The following SHISA9 variants were observed in gnomAD, a reference collection of about 807,000 sequenced individuals.
The protein encoded by SHISA9 is protein shisa-9.
SHISA9 carries 13 observed loss-of-function variants against 38.0 expected under a neutral mutation model. The observed-to-expected ratio is 0.34, with a 90% CI of 0.22 to 0.54. The LOEUF is 0.54. Ranked by LOEUF, SHISA9 falls within the 20% of genes least tolerant of loss-of-function variation. The pLI, the probability that SHISA9 is intolerant of heterozygous loss-of-function variation, is 0.91. For synonymous variants in SHISA9, 275 were observed against 242.0 expected (o/e 1.14, Z -1.27); for missense variants, 538 against 575.8 (o/e 0.93, Z 0.67).
At chr16:13,262,599 C>T in the SHISA9 span, among the ~76,000 whole-genome samples, 30 of 138,174 alleles carry the variant, frequency 2.2e-4, no homozygotes, top group Non-Finnish European at 4.1e-4. Context: ...TATTCTGGCC[C>T]GGTGAGTAAG....
chr16:13,228,419 A>G (rs1034958836), intron 4 of SHISA9, among the ~76,000 whole-genome samples: 1 of 152,210 alleles, frequency 6.6e-6, no homozygotes, highest in Non-Finnish European at 1.5e-5. Context: ...CTGAGGGGAC[A>G]TCATGTATTG....
chr16:13,185,732 T>C (rs1382937413), intron 2 of SHISA9, among the ~76,000 whole-genome samples: 1 of 152,182 alleles, frequency 6.6e-6, no homozygotes, highest in African/African-American at 2.4e-5. Context: ...GTACCCAGAA[T>C]GATGCCTAGC....
chr16:12,963,498 G>C (rs1267469510), intron 2 of SHISA9, among the ~76,000 whole-genome samples: 1 of 152,208 alleles, frequency 6.6e-6, no homozygotes, highest in African/African-American at 2.4e-5. Flanking sequence ...TGGAGAGAAA[G>C]ATTGTTCAGT....
chr16:13,548,119 G>A, the SHISA9 span, among the ~76,000 whole-genome samples: 2 of 152,104 alleles, frequency 1.3e-5, no homozygotes, highest in African/African-American at 4.8e-5. Flanking sequence ...TATGGGAAAG[G>A]ACAGTCTCTT....
chr16:13,320,233 C>A, the SHISA9 span, among the ~76,000 whole-genome samples: 1 of 130,976 alleles, frequency 7.6e-6, no homozygotes, highest in Non-Finnish European at 1.5e-5. Context: ...AGAGGCTGCA[C>A]GGAGCCAAGA....
chr16:13,464,689 ATACAG>A, the SHISA9 span, among the ~76,000 whole-genome samples: 1 of 152,150 alleles, frequency 6.6e-6, no homozygotes, highest in Non-Finnish European at 1.5e-5. Context: ...TACTACAAAT[ATACAG>A]TAAAGTAAAT....
intron 2 of SHISA9, among the ~76,000 whole-genome samples, chr16:13,184,069 G>A (rs534169661): frequency 1.3e-5 from 2 of 152,144 alleles, no homozygotes; most frequent in East Asian, 3.9e-4. Flanking sequence ...TTTTTCCTAA[G>A]CACCCTCCTC....
At chr16:13,435,665 G>T in the SHISA9 span, among the ~76,000 whole-genome samples, 1 of 152,194 alleles carries the variant, frequency 6.6e-6, no homozygotes, top group Non-Finnish European at 1.5e-5. Flanking sequence ...ATCAAGCCAG[G>T]TTCATTCTGC....
At chr16:13,413,392 A>G in the SHISA9 span, among the ~76,000 whole-genome samples, 1 of 152,168 alleles carries the variant, frequency 6.6e-6, no homozygotes, top group Non-Finnish European at 1.5e-5. Context: ...AGGAATTTCC[A>G]TTTGAAAGGA....
the SHISA9 span, among the ~76,000 whole-genome samples, chr16:13,328,148 C>T: frequency 2.0e-5 from 3 of 152,152 alleles, no homozygotes; most frequent in East Asian, 1.9e-4. Context: ...AACTCGGCCT[C>T]GAGCAGGGGC....
rs1022236331 is a variant in SHISA9 at position 12,908,774 on chromosome 16, C to G, written c.563+6147C>G. The G allele has an allele frequency of 1.7e-5, 23 of 1,388,988 alleles. No individual in the cohort carries two copies. In the African/African-American group the frequency reaches 3.4e-4, roughly 20 times the overall value. 86.0% of individuals were successfully genotyped at this position (1,388,988 alleles called of 1,614,324 possible). A position where few individuals can be genotyped will look rare whatever the true frequency, so the allele number is the denominator to read the frequency against. ...TATCGGCCCCGGCAGGCCCAGACGT[C>G]TTGGTGGAGGCGTTGGTGAGAAATG... On this transcript the variant is annotated intron_variant, in intron 1 of 4. Coordinates refer to ENST00000558583, the MANE Select transcript of SHISA9 (RefSeq NM_001145204.3).
chr16:13,051,012 G>A (rs56328831), intron 2 of SHISA9, among the ~76,000 whole-genome samples: 1,653 of 152,340 alleles, frequency 0.011, 17 homozygotes, highest in Middle Eastern at 0.061. Flanking sequence ...GAACAGTGAG[G>A]TTAATAGTAA....
rs1259600214 is a variant in SHISA9 at position 12,919,093 on chromosome 16, G to A, written c.691+2278G>A. On this transcript the variant is annotated intron_variant, in intron 2 of 4. Coordinates refer to ENST00000558583, the MANE Select transcript of SHISA9 (RefSeq NM_001145204.3). ...CAGATGAACAGATGATTTGAGGAGT[G>A]CATTGAGAGAATAGGATGAGATAAC... 3.3e-5 allele frequency among the ~76,000 whole-genome samples: 5 copies of A among 152,270 alleles called. No homozygotes were observed. The East Asian group carries it at 9.6e-4, about 29-fold the overall frequency.
chr16:13,365,068 T>C, the SHISA9 span, among the ~76,000 whole-genome samples: 1 of 152,122 alleles, frequency 6.6e-6, no homozygotes, highest in Non-Finnish European at 1.5e-5. Flanking sequence ...AAAGTAATAA[T>C]AATAGCTGGC....
At chr16:13,474,851 C>T in the SHISA9 span, among the ~76,000 whole-genome samples, 1 of 151,622 alleles carries the variant, frequency 6.6e-6, no homozygotes, top group Non-Finnish European at 1.5e-5. Context: ...TTGAAAAGAT[C>T]GTGGTGAGTT....
At chr16:13,260,252 G>A in the SHISA9 span, among the ~76,000 whole-genome samples, 1 of 151,844 alleles carries the variant, frequency 6.6e-6, no homozygotes, top group Admixed American at 6.6e-5. Flanking sequence ...TCCTGACCTT[G>A]TGATCTGCCT....
At chr16:13,323,940 A>G in the SHISA9 span, among the ~76,000 whole-genome samples, 1 of 152,160 alleles carries the variant, frequency 6.6e-6, no homozygotes, top group Non-Finnish European at 1.5e-5. Context: ...TGTTTGGGTC[A>G]TGGGGGCAGA....
the SHISA9 span, among the ~76,000 whole-genome samples, chr16:13,277,660 T>A: frequency 6.6e-6 from 1 of 151,046 alleles, no homozygotes; most frequent in African/African-American, 2.4e-5. Flanking sequence ...ATTCCTAAGT[T>A]TTTTTTTTCT....
the SHISA9 span, among the ~76,000 whole-genome samples, chr16:13,557,916 G>T: frequency 6.6e-6 from 1 of 151,988 alleles, no homozygotes; most frequent in African/African-American, 2.4e-5. Context: ...TTTCATTTTT[G>T]CCCTTTCCTC....
Sources: gnomAD v4.1 joint callset for allele counts (sites outside exome capture counted in the v4.1 genomes callset) on GRCh38, gnomAD v4.1.1 for gene constraint, MANE v1.5 for transcripts, NCBI Gene and HGNC (gene_info 2026-07-23, HGNC 2026-07-21) for gene names.